SLC71A2: variants seen among roughly 807,000 people sequenced by gnomAD.
The protein encoded by SLC71A2 is solute carrier family 71 member 2.
chr9:94,433,377 AAAAG>A, the SLC71A2 span: 3 of 150,514 alleles, frequency 2.0e-5, no homozygotes, highest in Non-Finnish European at 4.4e-5. Flanking sequence ...TTGCGTAAAA[AAAAG>A]GTCAGGGTAG....
chr9:94,411,593 A>ATT, the SLC71A2 span, among the ~76,000 whole-genome samples: 53 of 140,582 alleles, frequency 3.8e-4, no homozygotes, highest in Middle Eastern at 7.3e-3. Flanking sequence ...TCGTTAGCCG[A>ATT]TTTTTTTTTT....
At chr9:94,417,247 T>C in the SLC71A2 span, among the ~76,000 whole-genome samples, 1 of 152,226 alleles carries the variant, frequency 6.6e-6, no homozygotes, top group Admixed American at 6.5e-5. Flanking sequence ...TGTTTTGAAG[T>C]ATACAGTTCA....
the SLC71A2 span, among the ~76,000 whole-genome samples, chr9:94,393,843 T>C: frequency 1.1e-5 from 1 of 93,896 alleles, no homozygotes; most frequent in African/African-American, 4.1e-5. Context: ...ATAACCTCTG[T>C]CCTTTTCCTT....
At chr9:94,390,661 T>C in the SLC71A2 span, among the ~76,000 whole-genome samples, 7 of 152,248 alleles carry the variant, frequency 4.6e-5, no homozygotes, top group African/African-American at 1.7e-4. Context: ...TGCTTTGATT[T>C]TTGTCTAGTG....
At chr9:94,419,343 G>C in the SLC71A2 span, among the ~76,000 whole-genome samples, 1 of 146,890 alleles carries the variant, frequency 6.8e-6, no homozygotes, top group Non-Finnish European at 1.5e-5. Flanking sequence ...TGCCCAGGCT[G>C]GAGTGCAGTG....
At chr9:94,442,312 C>T in the SLC71A2 span, among the ~76,000 whole-genome samples, 2 of 152,142 alleles carry the variant, frequency 1.3e-5, no homozygotes, top group Non-Finnish European at 2.9e-5. Context: ...CAAAACACAA[C>T]AATTTTTAAC....
the SLC71A2 span, among the ~76,000 whole-genome samples, chr9:94,426,898 A>G: frequency 7.9e-5 from 12 of 152,194 alleles, no homozygotes; most frequent in Non-Finnish European, 1.8e-4. Flanking sequence ...GCAGTGGTGC[A>G]ATCATAGCTC....
At chr9:94,384,322 T>C in the SLC71A2 span, among the ~76,000 whole-genome samples, 15 of 151,114 alleles carry the variant, frequency 9.9e-5, no homozygotes, top group Non-Finnish European at 1.5e-5. Flanking sequence ...ATGTGTGCCG[T>C]GTGTCAAATT....
the SLC71A2 span, among the ~76,000 whole-genome samples, chr9:94,425,109 C>T: frequency 2.6e-4 from 39 of 151,718 alleles, no homozygotes; most frequent in African/African-American, 8.2e-4. Flanking sequence ...ATCTGTTTCC[C>T]TATCTTGTTC....
the SLC71A2 span, among the ~76,000 whole-genome samples, chr9:94,422,184 A>G: frequency 3.3e-5 from 5 of 152,144 alleles, no homozygotes; most frequent in African/African-American, 1.2e-4. Context: ...GTTACAGTTT[A>G]TTGCTGGAGG....
At chr9:94,455,790 G>T in the SLC71A2 span, among the ~76,000 whole-genome samples, 1 of 152,170 alleles carries the variant, frequency 6.6e-6, no homozygotes, top group Admixed American at 6.5e-5. Flanking sequence ...CCAGTTGGGG[G>T]CACACCATGC....
At chr9:94,450,493 C>CTTTTTTTTTTTTTTTTT in the SLC71A2 span, among the ~76,000 whole-genome samples, 483 of 101,946 alleles carry the variant, frequency 4.7e-3, 71 homozygotes, top group African/African-American at 0.011. Flanking sequence ...AATAATGTAA[C>CTTTTTTTTTTTTTTTTT]TTTTTTTTTT....
chr9:94,421,974 C>CTCACA, the SLC71A2 span, among the ~76,000 whole-genome samples: 1 of 151,992 alleles, frequency 6.6e-6, no homozygotes, highest in Non-Finnish European at 1.5e-5. Context: ...AGTGCAGTTG[C>CTCACA]GCTATCTCGG....
the SLC71A2 span, among the ~76,000 whole-genome samples, chr9:94,423,825 C>T: frequency 2.8e-4 from 43 of 152,154 alleles, no homozygotes; most frequent in Non-Finnish European, 7.3e-5. Flanking sequence ...ATGTCAGGGC[C>T]TTTCTGTTCT....
At chr9:94,428,057 G>T in the SLC71A2 span, among the ~76,000 whole-genome samples, 1 of 151,930 alleles carries the variant, frequency 6.6e-6, no homozygotes, top group Non-Finnish European at 1.5e-5. Flanking sequence ...TGAGAGGCGG[G>T]GGTTGCAGTG....
chr9:94,382,116 T>G, the SLC71A2 span, among the ~76,000 whole-genome samples: 1 of 151,946 alleles, frequency 6.6e-6, no homozygotes, highest in African/African-American at 2.4e-5. Context: ...AGCCTTGACC[T>G]CCTGGGCGCA....
At chr9:94,424,918 T>TAA in the SLC71A2 span, among the ~76,000 whole-genome samples, 3 of 148,016 alleles carry the variant, frequency 2.0e-5, no homozygotes, top group East Asian at 2.0e-4. Context: ...TTTTTTTTTT[T>TAA]AAATAATAAA....
the SLC71A2 span, among the ~76,000 whole-genome samples, chr9:94,419,983 A>G: frequency 1.3e-5 from 2 of 152,300 alleles, no homozygotes; most frequent in African/African-American, 2.4e-5. Context: ...TCAGCTCTCT[A>G]CTAATGGATC....
chr9:94,415,846 C>T, the SLC71A2 span, among the ~76,000 whole-genome samples: 1 of 152,248 alleles, frequency 6.6e-6, no homozygotes, highest in African/African-American at 2.4e-5. Flanking sequence ...GCCACGGACT[C>T]ATAGGGTCCT....
Sources: gnomAD v4.1 joint callset for allele counts (sites outside exome capture counted in the v4.1 genomes callset) on GRCh38, gnomAD v4.1.1 for gene constraint, MANE v1.5 for transcripts, NCBI Gene and HGNC (gene_info 2026-07-23, HGNC 2026-07-21) for gene names.